MMS19: variants seen among roughly 807,000 people sequenced by gnomAD.
MMS19 encodes the protein MMS19 cytosolic iron-sulfur assembly component, also known as MMS19 nucleotide excision repair protein homolog.
In MMS19, 77 loss-of-function variants were observed where a neutral mutation model predicts 129.8. That is an observed-to-expected ratio of 0.59 (90% CI 0.49 to 0.72). The LOEUF is 0.72. Among genes scored for constraint, MMS19 ranks in the 30% least tolerant of loss-of-function variants. The pLI, the probability that MMS19 is intolerant of heterozygous loss-of-function variation, is 0.00. For synonymous variants in MMS19, 491 were observed against 502.8 expected, an observed-to-expected ratio of 0.98 and a Z score of 0.31; for missense variants, 1,168 against 1,266.3, an observed-to-expected ratio of 0.92 and a Z score of 1.18.
At chr10:97,492,433 C>T (rs1188362297) in intron 1 of MMS19, among the ~76,000 whole-genome samples, 2 of 151,198 alleles carry the variant, frequency 1.3e-5, no homozygotes, top group East Asian at 3.9e-4. Context: ...GGAGACGGAG[C>T]CACTGCACTC....
intron 1 of MMS19, 102 bp from the exon 2 acceptor site, chr10:97,484,253 A>G: frequency 1.3e-6 from 1 of 746,438 alleles, no homozygotes; most frequent in Non-Finnish European, 2.1e-6. Context: ...TAGGCTTTGT[A>G]CCTGGGGGCC....
chr10:97,468,855 C>T (rs777517926), intron 12 of MMS19, 111 bp downstream of exon 12: 22 of 1,168,806 alleles, frequency 1.9e-5, no homozygotes, highest in Middle Eastern at 5.1e-4. Context: ...GTGATCCACC[C>T]GCCTCGGCCT....
intron 2 of MMS19, among the ~76,000 whole-genome samples, chr10:97,483,562 T>C (rs1048005518): frequency 1.3e-5 from 2 of 152,260 alleles, no homozygotes; most frequent in African/African-American, 2.4e-5. Context: ...ATACCAATTA[T>C]GAAATACGAG....
chr10:97,482,761 CACACACAT>C, intron 2 of MMS19, among the ~76,000 whole-genome samples: 1 of 148,750 alleles, frequency 6.7e-6, no homozygotes, highest in African/African-American at 2.5e-5. Context: ...CACACACACA[CACACACAT>C]ATATTTTTTG....
chr10:97,460,168 A>G lies in MMS19; in HGVS notation c.2534T>C (p.Met845Thr), dbSNP rs752042330. Reference protein sequence around the residue: ...PAAADGFSLLMSDCTDVLTRA... With the variant: ...PAAADGFSLLTSDCTDVLTRA... ...AGTCAGCACATCAGTGCAGTCAGAC[A>G]TGAGCAGAGAGAAGCCATCAGCTGC... The change falls in exon 26 of 31, where the codon ATG becomes ACG. Residue 845 changes from methionine to threonine, a missense_variant. Met to Thr is a moderately conservative substitution (Grantham distance 81). This residue lies in a region of MMS19 where 831 missense variants were observed against 910.8 expected (regional missense o/e 0.91). Coordinates refer to ENST00000438925, the MANE Select transcript of MMS19 (RefSeq NM_022362.5). The G allele has an allele frequency of 2.5e-6, 4 of 1,614,050 alleles. No homozygotes were observed. Among genetic ancestry groups the G allele is most frequent in the East Asian group, 2.2e-5 (1 of 44,890 alleles).
intron 8 of MMS19, among the ~76,000 whole-genome samples, chr10:97,474,803 T>C (rs1452290057): frequency 6.6e-6 from 1 of 152,206 alleles, no homozygotes; most frequent in Non-Finnish European, 1.5e-5. Context: ...AATAAACAGC[T>C]GTGAACAGTG....
chr10:97,467,955 A>G (rs1005087585), intron 13 of MMS19, among the ~76,000 whole-genome samples: 2 of 151,512 alleles, frequency 1.3e-5, no homozygotes, highest in Admixed American at 1.3e-4. Context: ...GGCATGAACC[A>G]GCATGTCCTG....
At chr10:97,483,293 A>T (rs536062837) in intron 2 of MMS19, among the ~76,000 whole-genome samples, 73 of 152,160 alleles carry the variant, frequency 4.8e-4, no homozygotes, top group Non-Finnish European at 4.4e-5. Flanking sequence ...AGCTCAGGCA[A>T]TCCACCTTCT....
Position 97,469,698 on chromosome 10 carries a change from T to C in MMS19, c.872A>G (p.Gln291Arg). The part of the protein sequence containing the change: ...TLNACCAVYG[Q>R]KELKDFLPSL... ...GGGGAGGAAGTCCTTCAGTTCCTTCTGTCCATACACAGCACAGCAAGCATT... is the reference window on the plus strand; with the variant it reads ...GGGGAGGAAGTCCTTCAGTTCCTTCCGTCCATACACAGCACAGCAAGCATT... The change falls in exon 11 of 31, where the codon CAG (glutamine) becomes CGG (arginine). Residue 291 changes from glutamine (Q) to arginine (R), a missense_variant. By Grantham distance (43) the Gln-to-Arg change is conservative (BLOSUM62 1). Coordinates refer to ENST00000438925, the MANE Select transcript of MMS19 (RefSeq NM_022362.5). 6.2e-7 allele frequency: 1 copy of C among 1,613,998 alleles called. No homozygotes were observed.
chr10:97,484,197 T>A, intron 1 of MMS19, 46 bp from the exon 2 acceptor site: 1 of 1,225,738 alleles, frequency 8.2e-7, no homozygotes, highest in Non-Finnish European at 1.1e-6. Flanking sequence ...AAAAAAAACC[T>A]ACCAAAGGGT....
chr10:97,470,262 GTC>G, intron 9 of MMS19, 59 bp from the exon 10 acceptor site: 2 of 1,190,160 alleles, frequency 1.7e-6, no homozygotes, highest in Non-Finnish European at 2.5e-6. Flanking sequence ...TCACATCAAG[GTC>G]AACCCTGTCC....
Position 97,466,800 on chromosome 10 carries a change from G to A in MMS19, c.1399C>T (p.Leu467=). ...TQLQLVGIRT[L]TVLGAQPDLL... The stretch of plus-strand genomic sequence containing the variant: ...CCTGGCTGGGCACCCAAGACTGTCA[G>A]TGTACGGATGCCAACAAGCTGAAGC... Residue 467 remains leucine (L), a synonymous_variant, in exon 15 of 31, where the codon CTG becomes TTG. Transcript: ENST00000438925. 2 of 1,614,012 alleles carry A rather than the reference G, an allele frequency of 1.2e-6. No individual in the cohort carries two copies. Among genetic ancestry groups the A allele is most frequent in the Non-Finnish European group, 1.7e-6 (2 of 1,179,878 alleles).
chr10:97,493,804 C>G (rs747464734), intron 1 of MMS19, among the ~76,000 whole-genome samples: 1 of 152,140 alleles, frequency 6.6e-6, no homozygotes, highest in Non-Finnish European at 1.5e-5. Context: ...CACCTGAGGT[C>G]GGAAGTTTAG....
At chr10:97,487,404 C>A (rs867322780) in intron 1 of MMS19, among the ~76,000 whole-genome samples, 2 of 150,896 alleles carry the variant, frequency 1.3e-5, no homozygotes, top group East Asian at 3.9e-4. Context: ...CTGCAAGCTC[C>A]GCCTCCCGGG....
At chr10:97,470,691 A>AT (rs1157980351) in intron 9 of MMS19, 84 bp downstream of exon 9, 3 of 846,348 alleles carry the variant, frequency 3.5e-6, no homozygotes, top group East Asian at 2.6e-5. Context: ...TATACCAGAT[A>AT]TTTTTTTCTC....
intron 1 of MMS19, among the ~76,000 whole-genome samples, chr10:97,484,360 TATC>T (rs1564688382): frequency 6.6e-6 from 1 of 151,942 alleles, no homozygotes; most frequent in African/African-American, 2.4e-5. Context: ...AAAATAAATA[TATC>T]ATTTGTGAAT....
chr10:97,470,474 C>T (rs906368644), intron 9 of MMS19, among the ~76,000 whole-genome samples: 4 of 152,074 alleles, frequency 2.6e-5, no homozygotes, highest in African/African-American at 9.7e-5. Context: ...GTAGCGGAGA[C>T]GAGGTCTCCC....
rs29001276 is a variant in MMS19, at chr10:97,481,198, A to G, written c.162-156T>C. ...AGCCCAGGAAGGTGTTCCTGAGGTA[A>G]CGGCATTACAGATACCAGTAAGGAC... is the stretch of plus-strand genomic sequence containing the variant. On this transcript the variant is annotated intron_variant, in intron 2 of 30. Transcript: ENST00000438925. Among the ~76,000 whole-genome samples the G allele has an allele frequency of 6.4e-3, 969 of 152,284 alleles. 11 individuals carry two copies. Among genetic ancestry groups the G allele is most frequent in the African/African-American group, 0.022 (914 of 41,546 alleles).
intron 12 of MMS19, 91 bp downstream of exon 12, chr10:97,468,875 C>T: frequency 2.9e-6 from 4 of 1,387,570 alleles, no homozygotes; most frequent in Non-Finnish European, 3.9e-6. Context: ...TCCTAAAGTG[C>T]AGGGATTACA....
Sources: gnomAD v4.1 joint callset for allele counts (sites outside exome capture counted in the v4.1 genomes callset) on GRCh38, gnomAD v4.1.1 for gene constraint, gnomAD v4.1.1 regional missense constraint, MANE v1.5 for transcripts, NCBI Gene and HGNC (gene_info 2026-07-23, HGNC 2026-07-21) for gene names.